SAMD3: variants seen among roughly 807,000 people sequenced by gnomAD.
SAMD3 encodes sterile alpha motif domain-containing protein 3.
A neutral mutation model predicts 58.5 loss-of-function variants in SAMD3; 63 were observed. The ratio of observed to expected loss-of-function variants is 1.08; its 90% confidence interval spans 0.88 to 1.33. SAMD3 has a LOEUF of 1.33. Ranked by LOEUF, SAMD3 falls within the 40% of genes most tolerant of loss-of-function variation. The pLI is 0.00. For synonymous variants in SAMD3, 220 were observed against 210.3 expected (o/e 1.05, Z -0.40); for missense variants, 604 against 608.4 (o/e 0.99, Z 0.08).
chr6:130,159,381 G>A lies in SAMD3; in HGVS notation c.823-4356C>T, dbSNP rs564984281. On this transcript the variant is annotated intron_variant, in intron 8 of 11. Transcript: ENST00000439090. The stretch of plus-strand genomic sequence containing the variant: ...AGCCTCTTTATTTTGTAAATTGCCC[G>A]GTCTCAGGTATGTCTTTATCAGCAG... 9.9e-5 allele frequency among the ~76,000 whole-genome samples: 15 copies of A among 152,204 alleles called. 1 individual carries two copies. In the South Asian group the frequency reaches 1.5e-3, roughly 15 times the overall value.
intron 2 of SAMD3, among the ~76,000 whole-genome samples, chr6:130,305,038 G>A (rs564601893): frequency 7.0e-6 from 1 of 142,176 alleles, no homozygotes; most frequent in South Asian, 2.2e-4. Context: ...GTGTTCAAGT[G>A]ATTGTCATGC....
At chr6:130,261,509 G>A (rs1250599695) in intron 2 of SAMD3, among the ~76,000 whole-genome samples, 1 of 152,174 alleles carries the variant, frequency 6.6e-6, no homozygotes, top group Non-Finnish European at 1.5e-5. Flanking sequence ...TGGATACTCT[G>A]ATTTTGGTTT....
At chr6:130,347,192 T>C (rs1162371021) in intron 1 of SAMD3, among the ~76,000 whole-genome samples, 2 of 151,776 alleles carry the variant, frequency 1.3e-5, no homozygotes, top group African/African-American at 2.4e-5. Context: ...TCCAAAGGAA[T>C]GCTCCTCACC....
In SAMD3 at chr6:130,176,601, T is replaced by G. The variant is rs541373480; in HGVS notation, c.655-593A>C. Among the ~76,000 whole-genome samples the G allele has an allele frequency of 2.6e-5, 4 of 152,260 alleles. No individual in the cohort carries two copies. The South Asian group carries it at 8.3e-4, about 32-fold the overall frequency. ...AGCAGAGGGATGAGTAATTTCAATA[T>G]AGAGTGAAAAGTATTATAATAGGGG... On this transcript the variant is annotated intron_variant, in intron 7 of 11. Transcript: ENST00000439090.
At chr6:130,243,579 AT>A (rs1425781617) in intron 2 of SAMD3, among the ~76,000 whole-genome samples, 2 of 152,228 alleles carry the variant, frequency 1.3e-5, no homozygotes, top group Non-Finnish European at 2.9e-5. Context: ...GCAAGGTTTA[AT>A]AATTTGTGCA....
At chr6:130,241,025 T>C (rs1773336139) in intron 2 of SAMD3, among the ~76,000 whole-genome samples, 2 of 152,104 alleles carry the variant, frequency 1.3e-5, no homozygotes, top group Non-Finnish European at 2.9e-5. Flanking sequence ...AATTCCTCTT[T>C]GGCGAACTGT....
At chr6:130,253,801 C>G (rs931876527) in intron 2 of SAMD3, among the ~76,000 whole-genome samples, 2 of 151,480 alleles carry the variant, frequency 1.3e-5, no homozygotes, top group Non-Finnish European at 2.9e-5. Flanking sequence ...GTGCTTATAC[C>G]TCTTTTATGT....
chr6:130,175,651 A>T (rs926047868), intron 8 of SAMD3, 190 bp downstream of exon 8: 32 of 425,690 alleles, frequency 7.5e-5, no homozygotes, highest in Middle Eastern at 6.2e-4. Context: ...TTGTTTTGGG[A>T]ATTCTTTTCT....
At chr6:130,319,709 G>T (rs943174965) in intron 1 of SAMD3, among the ~76,000 whole-genome samples, 3 of 152,058 alleles carry the variant, frequency 2.0e-5, no homozygotes, top group African/African-American at 7.2e-5. Flanking sequence ...TTAAGAAATG[G>T]CATGTAGAAA....
chr6:130,351,859 T>C (rs1364109347), intron 1 of SAMD3, among the ~76,000 whole-genome samples: 3 of 152,092 alleles, frequency 2.0e-5, no homozygotes, highest in Non-Finnish European at 4.4e-5. Flanking sequence ...GTGGCACATA[T>C]ACACCATGGA....
At chr6:130,307,165 G>T (rs530201237) in intron 2 of SAMD3, among the ~76,000 whole-genome samples, 1 of 152,320 alleles carries the variant, frequency 6.6e-6, no homozygotes, top group African/African-American at 2.4e-5. Context: ...TACACATGGA[G>T]TGAAAAGAAG....
At chr6:130,360,333 C>T (rs964362683) in intron 1 of SAMD3, among the ~76,000 whole-genome samples, 1 of 152,198 alleles carries the variant, frequency 6.6e-6, no homozygotes, top group African/African-American at 2.4e-5. Flanking sequence ...AGGTCCTTTT[C>T]TATTTTCCCT....
At chr6:130,204,718 T>A (rs1461316609) in intron 5 of SAMD3, among the ~76,000 whole-genome samples, 1 of 150,950 alleles carries the variant, frequency 6.6e-6, no homozygotes, top group African/African-American at 2.4e-5. Flanking sequence ...TCATTTTCAC[T>A]ACTGTTAGAG....
intron 7 of SAMD3, among the ~76,000 whole-genome samples, chr6:130,178,376 G>A (rs1174483752): frequency 6.6e-6 from 1 of 151,176 alleles, no homozygotes; most frequent in Non-Finnish European, 1.5e-5. Context: ...GTGAGTGCGG[G>A]GAAGGGAAAA....
chr6:130,321,691 T>A (rs1382503222), intron 1 of SAMD3, among the ~76,000 whole-genome samples: 3 of 132,060 alleles, frequency 2.3e-5, no homozygotes, highest in African/African-American at 7.3e-5. Flanking sequence ...ACTTGCTGTC[T>A]GTCTCTCATT....
intron 2 of SAMD3, among the ~76,000 whole-genome samples, chr6:130,270,065 T>C (rs1774505112): frequency 6.6e-6 from 1 of 152,142 alleles, no homozygotes; most frequent in Non-Finnish European, 1.5e-5. Context: ...ACAATCATAA[T>C]TATAGAATTT....
chr6:130,188,405 AAC>A (rs1186644820), intron 5 of SAMD3, among the ~76,000 whole-genome samples: 4 of 152,222 alleles, frequency 2.6e-5, no homozygotes, highest in Non-Finnish European at 5.9e-5. Flanking sequence ...CAGAGTTGAT[AAC>A]ACAGTGATTT....
intron 5 of SAMD3, among the ~76,000 whole-genome samples, chr6:130,193,365 G>A (rs370119688): frequency 2.0e-5 from 3 of 151,896 alleles, no homozygotes; most frequent in East Asian, 1.9e-4. Context: ...TCTGTGCCCT[G>A]ACCTCTTACA....
intron 2 of SAMD3, among the ~76,000 whole-genome samples, chr6:130,230,573 G>C (rs865891179): frequency 6.6e-6 from 1 of 152,002 alleles, no homozygotes; most frequent in African/African-American, 2.4e-5. Flanking sequence ...CTTTTTAGTA[G>C]AGACAGGTTT....
Sources: gnomAD v4.1 joint callset for allele counts (sites outside exome capture counted in the v4.1 genomes callset) on GRCh38, gnomAD v4.1.1 for gene constraint, MANE v1.5 for transcripts, NCBI Gene and HGNC (gene_info 2026-07-23, HGNC 2026-07-21) for gene names.